Variants in ZFC3H1 observed in about 807,000 individuals in gnomAD.
ZFC3H1 encodes zinc finger C3H1-type containing.
Under a neutral mutation model 243.7 loss-of-function variants are expected in ZFC3H1, and 71 were observed. That is an observed-to-expected ratio of 0.29 (90% CI 0.24 to 0.36). The LOEUF (loss-of-function observed/expected upper bound fraction) is 0.36. ZFC3H1 is among the 10% of genes least tolerant of loss of function. The pLI, the probability that ZFC3H1 is intolerant of heterozygous loss-of-function variation, is 1.00. For synonymous variants in ZFC3H1, 838 were observed against 813.0 expected (o/e 1.03, Z -0.52); for missense variants, 1,966 against 2,317.1 (o/e 0.85, Z 3.11).
intron 23 of ZFC3H1, 47 bp downstream of exon 23, chr12:71,624,057 T>C (rs1880097215): frequency 6.4e-7 from 1 of 1,554,346 alleles, no homozygotes; most frequent in Non-Finnish European, 8.7e-7. Context: ...GTAGACCTTT[T>C]AAACTTTTTC....
At chr12:71,660,664 C>T (rs547245727) in intron 1 of ZFC3H1, among the ~76,000 whole-genome samples, 1 of 152,242 alleles carries the variant, frequency 6.6e-6, no homozygotes, top group Non-Finnish European at 1.5e-5. Context: ...TCACCTCCCC[C>T]TTTTCTAATA....
chr12:71,636,345 A>T (rs1880460597), intron 9 of ZFC3H1, 145 bp downstream of exon 9: 1 of 541,444 alleles, frequency 1.8e-6, no homozygotes, highest in Non-Finnish European at 2.8e-6. Flanking sequence ...TTAATAAATT[A>T]AAAATAAATT....
At chr12:71,654,409 C>G (rs1251032996) in intron 2 of ZFC3H1, among the ~76,000 whole-genome samples, 1 of 152,208 alleles carries the variant, frequency 6.6e-6, no homozygotes, top group Non-Finnish European at 1.5e-5. Flanking sequence ...CTCCTGCACT[C>G]TAGCCTGGGC....
Position 71,626,456 on chromosome 12 carries a change from T to C in ZFC3H1, c.4131-10A>G, listed in dbSNP as rs780517420. On this transcript the variant is annotated splice_polypyrimidine_tract_variant and intron_variant, in intron 21 of 34. Coordinates refer to ENST00000378743, the MANE Select transcript of ZFC3H1 (RefSeq NM_144982.5). The stretch of plus-strand genomic sequence containing the variant: ...GGATTCTGAGCACTCCCTGTATATA[T>C]AAAAGAAAAGGTGGAAGTGCTTTTT... The C allele has an allele frequency of 6.3e-6, 10 of 1,579,688 alleles. No homozygotes were observed. The highest frequency in any genetic ancestry group is 1.2e-5 in the South Asian group (1 of 86,152).
intron 18 of ZFC3H1, among the ~76,000 whole-genome samples, 174 bp from the exon 19 acceptor site, chr12:71,629,884 T>C (rs900232540): frequency 2.7e-5 from 4 of 149,992 alleles, no homozygotes; most frequent in Non-Finnish European, 1.5e-5. Context: ...CTATGGCAAA[T>C]CCTACCACAT....
Position 71,638,419 on chromosome 12 carries a change from G to A in ZFC3H1, c.1724C>T (p.Ser575Phe). ...TCTTAGAAATCAATTCTGACTTACAGAAACCTGAGGTGGTGGAGGCAAAGA... is the reference window on the plus strand; with the variant it reads ...TCTTAGAAATCAATTCTGACTTACAAAAACCTGAGGTGGTGGAGGCAAAGA... ...SLSLPPPPQV[S>F]SLPPLSQPYV... Residue 575 changes from serine to phenylalanine, a missense_variant and splice_region_variant, in exon 7 of 35, where the codon TCT becomes TTT. Transcript: ENST00000378743. 6.2e-7 allele frequency: 1 copy of A among 1,610,952 alleles called. No individual in the cohort carries two copies. Among genetic ancestry groups the A allele is most frequent in the Non-Finnish European group, 8.5e-7 (1 of 1,178,864 alleles).
intron 1 of ZFC3H1, 82 bp from the exon 2 acceptor site, chr12:71,657,383 T>G: frequency 1.0e-6 from 1 of 991,006 alleles, no homozygotes; most frequent in South Asian, 1.9e-5. Flanking sequence ...ATAGATGAAT[T>G]TTCTCCCTTT....
chr12:71,645,454 G>C (rs1880705733), intron 3 of ZFC3H1, among the ~76,000 whole-genome samples: 1 of 152,126 alleles, frequency 6.6e-6, no homozygotes, highest in Non-Finnish European at 1.5e-5. Flanking sequence ...ACCCAGGAGA[G>C]GTAAGGAAAG....
At chr12:71,653,836 C>T (rs905648732) in intron 2 of ZFC3H1, among the ~76,000 whole-genome samples, 3 of 151,682 alleles carry the variant, frequency 2.0e-5, no homozygotes, top group Admixed American at 6.6e-5. Flanking sequence ...GCCAACATGG[C>T]GAAACCCCAG....
chr12:71,632,006 G>A lies in ZFC3H1; in HGVS notation c.3326C>T (p.Thr1109Ile), dbSNP rs144670323. The A allele has an allele frequency of 1.2e-6, 2 of 1,600,764 alleles. No homozygotes were observed. The highest frequency in any genetic ancestry group is 1.7e-6 in the Non-Finnish European group (2 of 1,175,516). The part of the protein sequence containing the change: ...DSLKQLILKT[T>I]TGITEKVLHG... Reference sequence around the variant, plus strand: ...CAAAACCTTCTCTGTAATGCCTGTGGTGGTTTTTAAAATCAGCTGTTTTAG... The same window carrying A: ...CAAAACCTTCTCTGTAATGCCTGTGATGGTTTTTAAAATCAGCTGTTTTAG... The change falls in exon 15 of 35, where the codon ACC (threonine) becomes ATC (isoleucine). Residue 1109 changes from threonine to isoleucine, a missense_variant. Physicochemically the swap from Thr to Ile is moderately conservative, Grantham distance 89 (BLOSUM62 -1). This residue lies in a region of ZFC3H1 where 1,383 missense variants were observed against 1,723.7 expected (regional missense o/e 0.80). Coordinates refer to ENST00000378743, the MANE Select transcript of ZFC3H1 (RefSeq NM_144982.5).
chr12:71,644,279 T>C lies in ZFC3H1; in HGVS notation c.1319A>G (p.Lys440Arg). 6.2e-7 allele frequency: 1 copy of C among 1,613,504 alleles called. No individual in the cohort carries two copies. Among genetic ancestry groups the C allele is most frequent in the Non-Finnish European group, 8.5e-7 (1 of 1,179,784 alleles). Reference protein sequence around the residue: ...ALRKQQTKAWKKLQQQKEQER... With the variant: ...ALRKQQTKAWRKLQQQKEQER... The stretch of plus-strand genomic sequence containing the variant: ...CTGCTCTTTTTGTTGTTGTAGTTTC[T>C]TCCATGCCTTTGTTTGCTGCTTCCT... The change falls in exon 5 of 35, where the codon AAG (lysine) becomes AGG (arginine). Residue 440 changes from lysine to arginine, a missense_variant. Lys to Arg is a conservative substitution (Grantham distance 26). Around this residue, in one of 4 missense-constraint regions of ZFC3H1, gnomAD observed 91 missense variants for 107.6 expected, o/e 0.85. Coordinates refer to ENST00000378743, the MANE Select transcript of ZFC3H1 (RefSeq NM_144982.5).
At chr12:71,616,481 A>T (rs1345273189) in intron 27 of ZFC3H1, among the ~76,000 whole-genome samples, 1 of 152,202 alleles carries the variant, frequency 6.6e-6, no homozygotes, top group Non-Finnish European at 1.5e-5. Context: ...ACTACAAATT[A>T]TAGCCCCATC....
intron 5 of ZFC3H1, among the ~76,000 whole-genome samples, chr12:71,642,859 T>C (rs1030545647): frequency 6.6e-6 from 1 of 152,158 alleles, no homozygotes; most frequent in Admixed American, 6.5e-5. Flanking sequence ...CACCAAACTC[T>C]TGTACACTTA....
Position 71,611,803 on chromosome 12 carries a change from G to A in ZFC3H1, c.5712C>T (p.Cys1904=). The change falls in exon 32 of 35, where the codon TGC becomes TGT. Residue 1904 remains cysteine (C), a synonymous_variant. Transcript: ENST00000378743. ...TGCATTACATTTTCCAGGTGGCCAG[G>A]CATGTTGGGATATTATATGTAAACA... is the stretch of plus-strand genomic sequence containing the variant. ...AKMFTYNIPT[C]LATWKIAIAA... is the part of the protein sequence containing the mutation. 6.2e-7 allele frequency: 1 copy of A among 1,608,060 alleles called. No homozygotes were observed. The highest frequency in any genetic ancestry group is 8.5e-7 in the Non-Finnish European group (1 of 1,176,214).
Position 71,630,849 on chromosome 12 carries a change from T to C in ZFC3H1, c.3576A>G (p.Gly1192=). ...ATTGACAATCATCATCATTACATGT[T>C]CCTGTTAAATCAAAACGGCAGAAAC... ...DQCFCRFDLT[G]TCNDDDCQWQ... is the part of the protein sequence containing the mutation. Residue 1192 remains glycine, a synonymous_variant, in exon 17 of 35, where the codon GGA becomes GGG. Transcript: ENST00000378743. The C allele has an allele frequency of 6.2e-7, 1 of 1,613,340 alleles. No individual in the cohort carries two copies. Among genetic ancestry groups the C allele is most frequent in the Admixed American group, 1.7e-5 (1 of 59,998 alleles).
intron 16 of ZFC3H1, among the ~76,000 whole-genome samples, 192 bp from the exon 17 acceptor site, chr12:71,631,146 T>C (rs139494582): frequency 1.1e-4 from 17 of 152,232 alleles, no homozygotes; most frequent in Admixed American, 2.6e-4. Flanking sequence ...ACAAGTTGCT[T>C]TTATACCAAG....
At position 71,614,877 on chromosome 12, in the gene ZFC3H1, CT is replaced by C. The variant is rs1378295781; in HGVS notation, c.5316del (p.Val1774TrpfsTer3). On this transcript the variant is annotated frameshift_variant, in exon 29 of 35. Coordinates refer to ENST00000378743, the MANE Select transcript of ZFC3H1 (RefSeq NM_144982.5). LOFTEE classifies it high-confidence loss of function. ...ACTATATCACATCTCATAGCCACCC[CT>C]AATGCTGCCTCATATGCCTCCACTG... ...KETVEAYEAA[L>X]GVAMRCDIVQ... 5 of 1,613,796 alleles carry C rather than the reference CT, an allele frequency of 3.1e-6. No homozygotes were observed. Among genetic ancestry groups the C allele is most frequent in the Non-Finnish European group, 3.4e-6 (4 of 1,179,860 alleles).
chr12:71,623,469 T>C lies in ZFC3H1; in HGVS notation c.4635A>G (p.Pro1545=), dbSNP rs1880082982. 1.2e-6 allele frequency: 2 copies of C among 1,613,838 alleles called. No individual in the cohort carries two copies. Among genetic ancestry groups the C allele is most frequent in the African/African-American group, 1.3e-5 (1 of 75,046 alleles). Reference sequence around the variant, plus strand: ...CAATTCTTGAAGGATTATCATTAGATGGATCATAAAATTTTGAAGGGAGAA... The same window carrying C: ...CAATTCTTGAAGGATTATCATTAGACGGATCATAAAATTTTGAAGGGAGAA... ...FNILPSKFYD[P]SNDNPSRIVN... is the part of the protein sequence containing the mutation. Residue 1545 remains proline, a synonymous_variant, in exon 24 of 35, where the codon CCA becomes CCG. Coordinates refer to ENST00000378743, the MANE Select transcript of ZFC3H1 (RefSeq NM_144982.5).
At chr12:71,633,545 G>A (rs1366961631) in intron 12 of ZFC3H1, 107 bp from the exon 13 acceptor site, 4 of 810,546 alleles carry the variant, frequency 4.9e-6, no homozygotes, top group South Asian at 1.9e-5. Context: ...ATGCATCTAC[G>A]AGACACAGAT....
Sources: gnomAD v4.1 joint callset for allele counts (sites outside exome capture counted in the v4.1 genomes callset) on GRCh38, gnomAD v4.1.1 for gene constraint, gnomAD v4.1.1 regional missense constraint, MANE v1.5 for transcripts, NCBI Gene and HGNC (gene_info 2026-07-23, HGNC 2026-07-21) for gene names.